Variants in ANAPC16 observed in about 807,000 individuals in gnomAD.
The protein encoded by ANAPC16 is anaphase promoting complex subunit 16.
ANAPC16 carries 6 observed loss-of-function variants against 13.1 expected under a neutral mutation model. The ratio of observed to expected loss-of-function variants is 0.46; its 90% CI spans 0.25 to 0.90. The LOEUF is 0.90. Among genes scored for constraint, ANAPC16 ranks in the 40% least tolerant of loss-of-function variants. The pLI is 0.18. For missense variants in ANAPC16, 113 were observed against 131.1 expected, an observed-to-expected ratio of 0.86 and a Z score of 0.67; for synonymous variants, 55 against 51.3, an observed-to-expected ratio of 1.07 and a Z score of -0.31.
chr10:72,216,365 C>T (rs1038080625), intron 1 of ANAPC16: 7 of 172,116 alleles, frequency 4.1e-5, no homozygotes, highest in Admixed American at 1.7e-4. Context: ...GCGTAGTTTC[C>T]TGGGGACCCA....
intron 2 of ANAPC16, among the ~76,000 whole-genome samples, chr10:72,225,668 AAGGC>A (rs1860097955): frequency 1.3e-5 from 2 of 152,160 alleles, no homozygotes; most frequent in Admixed American, 1.3e-4. Context: ...TCTGGAGGCC[AAGGC>A]AGGCAGATCA....
intron 2 of ANAPC16, among the ~76,000 whole-genome samples, chr10:72,226,191 A>G (rs927758550): frequency 6.6e-6 from 1 of 151,256 alleles, no homozygotes; most frequent in Admixed American, 6.6e-5. Context: ...AATTTTTTTA[A>G]TATTTTTAAT....
intron 1 of ANAPC16, among the ~76,000 whole-genome samples, chr10:72,218,860 A>G (rs181816139): frequency 1.6e-4 from 25 of 152,350 alleles, no homozygotes; most frequent in African/African-American, 5.3e-4. Flanking sequence ...TCTGTGCTCC[A>G]GTTTTCAACC....
intron 1 of ANAPC16, among the ~76,000 whole-genome samples, chr10:72,221,547 C>CTTTTTTTTTTTT (rs910872494): frequency 9.6e-4 from 88 of 91,314 alleles, no homozygotes; most frequent in East Asian, 2.0e-3. Context: ...TTTTTCTTTT[C>CTTTTTTTTTTTT]TTTTTTTTTT....
chr10:72,233,848 C>G lies in ANAPC16; in HGVS notation c.*732C>G, dbSNP rs1194754087. On this transcript the variant is annotated 3_prime_UTR_variant, in exon 4 of 4. Coordinates refer to ENST00000299381, the MANE Select transcript of ANAPC16 (RefSeq NM_173473.4). ...CTCCAAATTGGTGGCATTATCCTTT[C>G]AAAATCTCAGGGATTTGGGATGAAG... The G allele has an allele frequency of 6.6e-6, 1 of 152,566 alleles. No individual in the cohort carries two copies. The highest frequency in any genetic ancestry group is 1.5e-5 in the Non-Finnish European group (1 of 68,042). 9.5% of individuals were successfully genotyped at this position (152,566 alleles called of 1,614,324 possible). A position where few individuals can be genotyped will look rare whatever the true frequency, so the allele number is the denominator to read the frequency against.
At chr10:72,232,499 G>A (rs535877450) in intron 3 of ANAPC16, among the ~76,000 whole-genome samples, 4 of 150,094 alleles carry the variant, frequency 2.7e-5, no homozygotes, top group African/African-American at 4.9e-5. Flanking sequence ...AGCCGAGATC[G>A]CGCCATTGCA....
intron 1 of ANAPC16, among the ~76,000 whole-genome samples, chr10:72,221,353 A>G (rs1257140578): frequency 2.0e-5 from 3 of 152,240 alleles, no homozygotes; most frequent in African/African-American, 4.8e-5. Context: ...ACAACAGCCA[A>G]TAGCCACATG....
intron 1 of ANAPC16, chr10:72,223,274 C>G (rs1860012062): frequency 6.6e-6 from 1 of 151,834 alleles, no homozygotes; most frequent in Non-Finnish European, 1.5e-5. Flanking sequence ...CCATGTTGGC[C>G]AGGCTGGTCT....
chr10:72,224,663 C>T (rs563326263), intron 2 of ANAPC16, among the ~76,000 whole-genome samples: 7 of 150,974 alleles, frequency 4.6e-5, no homozygotes, highest in African/African-American at 9.7e-5. Context: ...ATTCTCTTGA[C>T]CTCCTACTCC....
chr10:72,216,929 A>C, intron 1 of ANAPC16: 1 of 456,260 alleles, frequency 2.2e-6, no homozygotes, highest in South Asian at 1.5e-5. Flanking sequence ...AGTTGTGCGA[A>C]TAGATCTGCA....
chr10:72,229,431 G>A (rs1860229251), intron 2 of ANAPC16, among the ~76,000 whole-genome samples: 1 of 151,536 alleles, frequency 6.6e-6, no homozygotes. Context: ...TGTAATACCT[G>A]GCCAACACAA....
chr10:72,223,846 A>G (rs1860030558), intron 1 of ANAPC16, 42 bp from the exon 2 acceptor site: 11 of 1,399,348 alleles, frequency 7.9e-6, no homozygotes, highest in Non-Finnish European at 1.1e-5. Flanking sequence ...TGTCACTCTC[A>G]CTTCCATAAA....
intron 3 of ANAPC16, among the ~76,000 whole-genome samples, chr10:72,231,047 T>C (rs1294294789): frequency 6.6e-6 from 1 of 152,212 alleles, no homozygotes; most frequent in Non-Finnish European, 1.5e-5. Context: ...GTCTATACTC[T>C]AACATCCTGA....
At chr10:72,218,161 AAAAAATATATATATATATATATAT>A (rs1418347760) in intron 1 of ANAPC16, among the ~76,000 whole-genome samples, 587 of 40,386 alleles carry the variant, frequency 0.015, 61 homozygotes, top group African/African-American at 0.029. Context: ...AAAAAAAAAA[AAAAAATATATATATATATATATAT>A]ATATATATAT....
chr10:72,221,158 T>C (rs545585825), intron 1 of ANAPC16, among the ~76,000 whole-genome samples: 104 of 152,280 alleles, frequency 6.8e-4, no homozygotes, highest in African/African-American at 2.4e-3. Flanking sequence ...TCAGGTGATC[T>C]GCCCACCTTG....
In ANAPC16 at chr10:72,233,240, C is replaced by T; in HGVS notation, c.*124C>T. Reference sequence around the variant, plus strand: ...ACTGAATTGTTAATGCACATTTGTACTTGGTTTCTCTGTATCTATTCACAG... The same window carrying T: ...ACTGAATTGTTAATGCACATTTGTATTTGGTTTCTCTGTATCTATTCACAG... On this transcript the variant is annotated 3_prime_UTR_variant, in exon 4 of 4. Transcript: ENST00000299381. 1 of 665,886 alleles carries T rather than the reference C, an allele frequency of 1.5e-6. No individual in the cohort carries two copies. Among genetic ancestry groups the T allele is most frequent in the South Asian group, 1.8e-5 (1 of 55,026 alleles). 41.2% of individuals were successfully genotyped at this position (665,886 alleles called of 1,614,324 possible). A position where few individuals can be genotyped will look rare whatever the true frequency, so the allele number is the denominator to read the frequency against.
chr10:72,221,004 C>T (rs1454310986), intron 1 of ANAPC16, among the ~76,000 whole-genome samples: 1 of 152,152 alleles, frequency 6.6e-6, no homozygotes, highest in Non-Finnish European at 1.5e-5. Context: ...GCAACCTCCA[C>T]CTCCCGAGTT....
rs1487708568 is a variant in ANAPC16 at position 72,216,469 on chromosome 10, GCCCCGTTCCCGCCCCCCCCC to G, written c.-28+336_-28+355del. Among the ~76,000 whole-genome samples the G allele has an allele frequency of 3.9e-3, 22 of 5,598 alleles. 1 individual carries two copies. The East Asian group carries it at 0.056, about 14-fold the overall frequency. The allele number at this position is 5,598 out of a possible 152,430, so 3.7% of individuals were successfully genotyped here. On this transcript the variant is annotated intron_variant, in intron 1 of 3. Transcript: ENST00000299381. ...CCACTTTTTCTCCACGCCCACCCCC[GCCCCGTTCCCGCCCCCCCCC>G]CCCCCCGTTACAGCTGCGGCATCTA... is the stretch of plus-strand genomic sequence containing the variant.
chr10:72,218,011 A>G (rs1051010684), intron 1 of ANAPC16, among the ~76,000 whole-genome samples: 11 of 151,462 alleles, frequency 7.3e-5, no homozygotes, highest in South Asian at 6.3e-4. Context: ...GATGAAGGGT[A>G]CTCAACCTGT....
Sources: allele counts gnomAD v4.1 joint callset (sites outside exome capture counted in the v4.1 genomes callset), GRCh38; gene constraint gnomAD v4.1.1; transcripts MANE v1.5; gene names NCBI Gene and HGNC (gene_info 2026-07-23, HGNC 2026-07-21).